Variants in PCDHA1 observed in about 807,000 individuals in gnomAD.
The protein encoded by PCDHA1 is protocadherin alpha 1, also known as protocadherin alpha-1.
In PCDHA1, 42 loss-of-function variants were observed where a neutral mutation model predicts 61.3. The ratio of observed to expected loss-of-function variants is 0.69; its 90% CI spans 0.54 to 0.89. PCDHA1 has a LOEUF of 0.89. Among genes scored for constraint, PCDHA1 ranks in the 40% least tolerant of loss-of-function variants. PCDHA1 has a pLI of 0.00. For synonymous variants in PCDHA1, 610 were observed against 553.8 expected (o/e 1.10, Z -1.43); for missense variants, 1,256 against 1,235.3 (o/e 1.02, Z -0.25).
At chr5:141,000,377 C>G (rs1213637729) in intron 3 of PCDHA1, among the ~76,000 whole-genome samples, 1 of 58,954 alleles carries the variant, frequency 1.7e-5, no homozygotes, top group South Asian at 5.5e-4. Flanking sequence ...CTCTCTCTCT[C>G]TCTCTCTCTC....
Position 140,917,751 on chromosome 5 carries a change from A to G in PCDHA1, c.2395-61198A>G, listed in dbSNP as rs577892904. On this transcript the variant is annotated intron_variant, in intron 1 of 3. Coordinates refer to ENST00000504120, the MANE Select transcript of PCDHA1 (RefSeq NM_018900.4). ...GTTCTCTAACCTGTCCCATTGGTCT[A>G]TGTGTCTGTTTTTGTATTAGTACCA... is the stretch of plus-strand genomic sequence containing the variant. Among the ~76,000 whole-genome samples the G allele has an allele frequency of 3.7e-4, 56 of 152,178 alleles. 2 individuals are homozygous for G. The highest frequency in any genetic ancestry group is 1.3e-3 in the African/African-American group (55 of 41,522).
chr5:140,999,066 T>G (rs2097845533), intron 3 of PCDHA1, among the ~76,000 whole-genome samples: 1 of 152,214 alleles, frequency 6.6e-6, no homozygotes, highest in Admixed American at 6.5e-5. Flanking sequence ...CTAAGTAGTC[T>G]CCTTCACTTC....
intron 1 of PCDHA1, among the ~76,000 whole-genome samples, chr5:140,789,354 A>G (rs1350461323): frequency 1.3e-5 from 2 of 152,190 alleles, no homozygotes; most frequent in African/African-American, 4.8e-5. Context: ...GGGGAGGCTG[A>G]GGCAGGAGAA....
intron 1 of PCDHA1, among the ~76,000 whole-genome samples, chr5:140,950,234 T>C (rs1423756424): frequency 1.3e-5 from 2 of 152,028 alleles, no homozygotes; most frequent in Non-Finnish European, 2.9e-5. Flanking sequence ...TCTAGTGCCA[T>C]TAATTTGTTC....
intron 1 of PCDHA1, chr5:140,823,562 T>C (rs2150126936): frequency 6.2e-7 from 1 of 1,613,920 alleles, no homozygotes; most frequent in Non-Finnish European, 8.5e-7. Flanking sequence ...GTGCGCGCAG[T>C]GGACCCTGAT....
At chr5:140,835,807 T>C in intron 1 of PCDHA1, 1 of 1,612,998 alleles carries the variant, frequency 6.2e-7, no homozygotes, top group East Asian at 2.2e-5. Flanking sequence ...TGCCACATCT[T>C]CACTGTGTCG....
intron 1 of PCDHA1, chr5:140,869,456 A>G (rs782269395): frequency 1.9e-6 from 3 of 1,614,072 alleles, no homozygotes; most frequent in Non-Finnish European, 2.5e-6. Flanking sequence ...CAGGTTTTCC[A>G]TGTGAACGTG....
At chr5:140,995,214 CTCT>C (rs1563606225) in intron 3 of PCDHA1, among the ~76,000 whole-genome samples, 1 of 152,136 alleles carries the variant, frequency 6.6e-6, no homozygotes, top group East Asian at 1.9e-4. Flanking sequence ...AGGCACAATA[CTCT>C]TGTGCTTTGG....
intron 1 of PCDHA1, among the ~76,000 whole-genome samples, chr5:140,903,723 A>G (rs1361598477): frequency 6.6e-6 from 1 of 152,210 alleles, no homozygotes; most frequent in Non-Finnish European, 1.5e-5. Flanking sequence ...AATTCTCCCT[A>G]TTATCAATTA....
intron 1 of PCDHA1, among the ~76,000 whole-genome samples, chr5:140,874,104 A>G (rs251376): frequency 0.45 from 68,940 of 152,128 alleles, 15,928 homozygotes; most frequent in South Asian, 0.58. Context: ...GTTTTTAATT[A>G]CTTAACGTTT....
At chr5:140,835,902 T>A (rs1774035162) in intron 1 of PCDHA1, 3 of 1,612,038 alleles carry the variant, frequency 1.9e-6, no homozygotes, top group Non-Finnish European at 2.5e-6. Flanking sequence ...GCTGTCGAGC[T>A]ACGTGTCAGT....
At chr5:140,998,853 T>G (rs575455675) in intron 3 of PCDHA1, among the ~76,000 whole-genome samples, 1 of 152,346 alleles carries the variant, frequency 6.6e-6, no homozygotes, top group South Asian at 2.1e-4. Flanking sequence ...GTGAGCCACA[T>G]GCCTGGCCTT....
intron 1 of PCDHA1, among the ~76,000 whole-genome samples, chr5:140,912,281 A>G (rs571303094): frequency 3.3e-5 from 5 of 152,200 alleles, no homozygotes; most frequent in Non-Finnish European, 7.4e-5. Context: ...ATACCCAGGA[A>G]CAATACTTTG....
chr5:140,788,366 G>C lies in PCDHA1; in HGVS notation c.2076G>C (p.Ala692=). 1 of 1,613,958 alleles carries C rather than the reference G, an allele frequency of 6.2e-7. No individual in the cohort carries two copies. The highest frequency in any genetic ancestry group is 8.5e-7 in the Non-Finnish European group (1 of 1,179,952). Residue 692 remains alanine, a synonymous_variant, in exon 1 of 4, where the codon GCG becomes GCC. Coordinates refer to ENST00000504120, the MANE Select transcript of PCDHA1 (RefSeq NM_018900.4). The part of the protein sequence containing the change: ...ASVGVAGPEA[A]LVDVNVYLII... ...TGGGTGTCGCGGGCCCAGAGGCGGC[G>C]CTGGTGGATGTCAACGTGTACCTGA... is the stretch of plus-strand genomic sequence containing the variant.
chr5:141,005,499 C>T (rs1399657712), intron 3 of PCDHA1, among the ~76,000 whole-genome samples: 1 of 151,380 alleles, frequency 6.6e-6, no homozygotes, highest in Non-Finnish European at 1.5e-5. Context: ...GTCAGGAGAT[C>T]GAGACCATCC....
At chr5:141,001,723 A>G (rs936645287) in intron 3 of PCDHA1, among the ~76,000 whole-genome samples, 22 of 152,286 alleles carry the variant, frequency 1.4e-4, no homozygotes, top group African/African-American at 4.8e-4. Context: ...GGAGCTTGAG[A>G]TATTTTACAA....
In PCDHA1 at chr5:140,855,439, C is replaced by A. The variant is rs190954774; in HGVS notation, c.2394+66755C>A. On this transcript the variant is annotated intron_variant, in intron 1 of 3. Coordinates refer to ENST00000504120, the MANE Select transcript of PCDHA1 (RefSeq NM_018900.4). ...CTCTAAATTCTAGTGATGACTAGAT[C>A]TTCGGAGTTATAAACACCTCACAGA... Among the ~76,000 whole-genome samples the A allele has an allele frequency of 4.7e-5, 7 of 149,934 alleles. 1 individual carries two copies. The Admixed American group carries it at 4.7e-4, about 10-fold the overall frequency.
intron 1 of PCDHA1, among the ~76,000 whole-genome samples, chr5:140,833,662 C>T (rs1772571447): frequency 6.6e-6 from 1 of 152,130 alleles, no homozygotes; most frequent in South Asian, 2.1e-4. Context: ...AATTCTTCCC[C>T]TTCAAAGATT....
At chr5:140,824,707 G>C (rs1444477681) in intron 1 of PCDHA1, 1 of 138,454 alleles carries the variant, frequency 7.2e-6, no homozygotes, top group East Asian at 2.3e-4. Flanking sequence ...CCATGCTCCC[G>C]TCTCAGCCTC....
Sources: allele counts gnomAD v4.1 joint callset (sites outside exome capture counted in the v4.1 genomes callset), GRCh38; gene constraint gnomAD v4.1.1; transcripts MANE v1.5; gene names NCBI Gene and HGNC (gene_info 2026-07-23, HGNC 2026-07-21).